Variants in SERPINB4 observed in about 807,000 individuals in gnomAD.
The protein encoded by SERPINB4 is serpin B4.
Under a neutral mutation model 33.2 loss-of-function variants are expected in SERPINB4, and 39 were observed. That is an observed-to-expected ratio of 1.18 (90% CI 0.91 to 1.53). The LOEUF is 1.53. SERPINB4 is among the 40% of genes most tolerant of loss of function. The probability of loss-of-function intolerance (pLI) is 0.00; values close to 1 mark genes in which losing one functional copy is unlikely to be tolerated. For missense variants in SERPINB4, 564 were observed against 455.4 expected (o/e 1.24, Z -2.17); for synonymous variants, 191 against 166.4 (o/e 1.15, Z -1.14).
chr18:63,638,645 A>C (rs1036914506), intron 7 of SERPINB4, among the ~76,000 whole-genome samples: 3 of 151,896 alleles, frequency 2.0e-5, no homozygotes, highest in African/African-American at 7.3e-5. Flanking sequence ...TCTCCCAGTC[A>C]AGTTTAAATT....
chr18:63,638,996 A>G (rs1428361776), intron 7 of SERPINB4, among the ~76,000 whole-genome samples, 189 bp downstream of exon 7: 1 of 151,960 alleles, frequency 6.6e-6, no homozygotes, highest in African/African-American at 2.4e-5. Flanking sequence ...ACAAACAAAA[A>G]CTAAGCTTTC....
Position 63,638,040 on chromosome 18 carries a change from T to G in SERPINB4, c.852A>C (p.Leu284Phe). 6.2e-7 allele frequency: 1 copy of G among 1,613,560 alleles called. No individual in the cohort carries two copies. The highest frequency in any genetic ancestry group is 8.5e-7 in the Non-Finnish European group (1 of 1,179,722). ...NMRETCVDLH[L>F]PRFKMEESYD... ...AGCTCTCTTCCATTTTGAACCGAGG[T>G]AAGTGTAAATCGACACATGTCTCTC... Residue 284 changes from leucine (L) to phenylalanine (F), a missense_variant, in exon 8 of 8, where the codon TTA (leucine) becomes TTC (phenylalanine). Transcript: ENST00000341074.
At chr18:63,643,766 T>G (rs568629231) in intron 1 of SERPINB4, among the ~76,000 whole-genome samples, 163 bp from the exon 2 acceptor site, 16 of 152,258 alleles carry the variant, frequency 1.1e-4, no homozygotes, top group Admixed American at 3.9e-4. Flanking sequence ...GTGCATATAT[T>G]AAATATATTA....
chr18:63,641,665 G>T (rs752122458), intron 4 of SERPINB4, 95 bp downstream of exon 4: 10 of 1,597,218 alleles, frequency 6.3e-6, no homozygotes, highest in Admixed American at 3.3e-5. Context: ...CACCTGAGTC[G>T]GCCAGGCTCA....
In SERPINB4 at chr18:63,639,644, C is replaced by A. The variant is rs752870674; in HGVS notation, c.602G>T (p.Trp201Leu). 41 of 1,601,426 alleles carry A rather than the reference C, an allele frequency of 2.6e-5. No homozygotes were observed. The African/African-American group carries it at 4.8e-4, about 19-fold the overall frequency. Residue 201 changes from tryptophan to leucine, a missense_variant, in exon 6 of 8, where the codon TGG (tryptophan) becomes TTG (leucine). Trp to Leu is a moderately conservative substitution (Grantham distance 61). Coordinates refer to ENST00000341074, the MANE Select transcript of SERPINB4 (RefSeq NM_002974.4). Reference protein sequence around the residue: ...KKENTKEEKFWPNKNTYKSVQ... With the variant: ...KKENTKEEKFLPNKNTYKSVQ... ...AAATATAGACAATACCTTGTTTGGC[C>A]AAAATTTTTCCTCTTTAGTGTTTTC...
At chr18:63,642,370 T>A (rs577094196) in intron 3 of SERPINB4, among the ~76,000 whole-genome samples, 15 of 152,226 alleles carry the variant, frequency 9.9e-5, no homozygotes, top group African/African-American at 3.4e-4. Context: ...TTCCTCATGA[T>A]GGTCATTCTC....
At chr18:63,641,053 A>T in intron 4 of SERPINB4, 62 bp from the exon 5 acceptor site, 1 of 1,380,592 alleles carries the variant, frequency 7.2e-7, no homozygotes, top group Non-Finnish European at 1.0e-6. Context: ...ATATTACCAA[A>T]CTTACTTATT....
chr18:63,643,797 A>T (rs993036524), intron 1 of SERPINB4, among the ~76,000 whole-genome samples, 194 bp from the exon 2 acceptor site: 12 of 152,174 alleles, frequency 7.9e-5, no homozygotes, highest in Non-Finnish European at 1.6e-4. Context: ...TAGAAGGCTT[A>T]CAAAACTACG....
At chr18:63,642,027 A>G in intron 3 of SERPINB4, 139 bp from the exon 4 acceptor site, 3 of 1,299,126 alleles carry the variant, frequency 2.3e-6, no homozygotes, top group African/African-American at 1.5e-5. Context: ...TAATTGGTGT[A>G]TTTCACCTCA....
At chr18:63,639,596 T>C (rs748970536) in intron 6 of SERPINB4, 38 bp downstream of exon 6, 1 of 1,321,404 alleles carries the variant, frequency 7.6e-7, no homozygotes, top group African/African-American at 1.5e-5. Flanking sequence ...TTCCATGTAT[T>C]AACATATTAC....
intron 7 of SERPINB4, 41 bp from the exon 8 acceptor site, chr18:63,638,164 G>A (rs1398158971): frequency 3.8e-6 from 6 of 1,587,932 alleles, no homozygotes; most frequent in Admixed American, 1.7e-5. Flanking sequence ...ACTAACTGTC[G>A]ATCTCTAATA....
chr18:63,638,425 T>C (rs1261830362), intron 7 of SERPINB4, among the ~76,000 whole-genome samples: 1 of 152,060 alleles, frequency 6.6e-6, no homozygotes, highest in Admixed American at 6.6e-5. Context: ...TATGATTACA[T>C]TATTTTGTAC....
At position 63,643,076 on chromosome 18, in the gene SERPINB4, C is replaced by T. The variant is rs1299240310; in HGVS notation, c.222+85G>A. 8 of 1,573,362 alleles carry T rather than the reference C, an allele frequency of 5.1e-6. No individual in the cohort carries two copies. The Admixed American group carries it at 1.2e-4, about 24-fold the overall frequency. On this transcript the variant is annotated intron_variant, in intron 3 of 7. Coordinates refer to ENST00000341074, the MANE Select transcript of SERPINB4 (RefSeq NM_002974.4). ...GTCCAAGATTTTCCCTAAAACTGGC[C>T]TTTTCTTAGTTTTTGTGAAGTTCCA...
rs777161862 is a variant in SERPINB4, at chr18:63,643,439, C to T, written c.139G>A (p.Asp47Asn). 4.3e-6 allele frequency: 7 copies of T among 1,613,564 alleles called. No individual in the cohort carries two copies. Among genetic ancestry groups the T allele is most frequent in the Middle Eastern group, 1.6e-4 (1 of 6,078 alleles). Residue 47 changes from aspartate to asparagine, a missense_variant, in exon 2 of 8, where the codon GAC (aspartate) becomes AAC (asparagine). Transcript: ENST00000341074. ...ALGMVLLGAK[D>N]NTAQQISKVL... ...TTGCTAATTTGTTGTGCAGTGTTGT[C>T]TTTGGCTCCTAAGAGGACCATCCCT...
chr18:63,639,486 C>A, intron 6 of SERPINB4, 146 bp from the exon 7 acceptor site: 2 of 1,032,400 alleles, frequency 1.9e-6, no homozygotes, highest in Non-Finnish European at 2.8e-6. Flanking sequence ...TCAGGTATTC[C>A]TAACTAAATA....
rs367655936 is a variant in SERPINB4 at position 63,639,311 on chromosome 18, C to T, written c.642G>A (p.Arg214=). ...AGGCAAAATTAAAGGAATTGTATTGCCTCATCATCTGTACAGATTTGTATG... is the reference window on the plus strand; with the variant it reads ...AGGCAAAATTAAAGGAATTGTATTGTCTCATCATCTGTACAGATTTGTATG... ...KNTYKSVQMM[R]QYNSFNFALL... is the part of the protein sequence containing the mutation. Residue 214 remains arginine (R), a synonymous_variant, in exon 7 of 8, where the codon AGG becomes AGA. Transcript: ENST00000341074. The T allele has an allele frequency of 8.7e-6, 14 of 1,611,954 alleles. No individual in the cohort carries two copies. The highest frequency in any genetic ancestry group is 1.1e-5 in the Non-Finnish European group (13 of 1,178,812).
At chr18:63,644,144 A>G (rs1913233412) in intron 1 of SERPINB4, 65 bp downstream of exon 1, 1 of 153,076 alleles carries the variant, frequency 6.5e-6, no homozygotes, top group African/African-American at 2.4e-5. Flanking sequence ...GATATAGAAC[A>G]CAGTATCATT....
In SERPINB4 at chr18:63,637,404, G is replaced by A. The variant is rs190875921; in HGVS notation, c.*315C>T. 11 of 221,260 alleles carry A rather than the reference G, an allele frequency of 5.0e-5. No homozygotes were observed. The East Asian group carries it at 9.2e-4, about 18-fold the overall frequency. The allele number at this position is 221,260 out of a possible 1,614,324, so 13.7% of individuals were successfully genotyped here. ...TGAAGAGAAAGTATGATTTGGTTTGGTTCATTTAAAACAGGTCAGAAACAG... is the reference window on the plus strand; with the variant it reads ...TGAAGAGAAAGTATGATTTGGTTTGATTCATTTAAAACAGGTCAGAAACAG... On this transcript the variant is annotated 3_prime_UTR_variant, in exon 8 of 8. Coordinates refer to ENST00000341074, the MANE Select transcript of SERPINB4 (RefSeq NM_002974.4).
intron 1 of SERPINB4, among the ~76,000 whole-genome samples, chr18:63,643,865 G>A (rs1466094759): frequency 2.0e-5 from 3 of 151,946 alleles, no homozygotes; most frequent in Non-Finnish European, 4.4e-5. Context: ...TTCATTGCTG[G>A]TTACACTAGA....
Sources: gnomAD v4.1 joint callset for allele counts (sites outside exome capture counted in the v4.1 genomes callset) on GRCh38, gnomAD v4.1.1 for gene constraint, MANE v1.5 for transcripts, NCBI Gene and HGNC (gene_info 2026-07-23, HGNC 2026-07-21) for gene names.